CELF2: variants seen among roughly 807,000 people sequenced by gnomAD.
CELF2 encodes the protein CUG triplet repeat RNA-binding protein 2.
CELF2 carries 8 observed loss-of-function variants against 62.6 expected under a neutral mutation model. The observed-to-expected ratio is 0.13, with a 90% CI of 0.07 to 0.23. The LOEUF (loss-of-function observed/expected upper bound fraction) is 0.23, where lower values mean the gene tolerates loss of function less well. Ranked by LOEUF, CELF2 falls within the 10% of genes least tolerant of loss-of-function variation. The probability of loss-of-function intolerance (pLI) is 1.00; values close to 1 mark genes in which losing one functional copy is unlikely to be tolerated. For synonymous variants in CELF2, 258 were observed against 250.0 expected (o/e 1.03, Z -0.30); for missense variants, 333 against 671.0 (o/e 0.50, Z 5.56).
the CELF2 span, among the ~76,000 whole-genome samples, chr10:10,518,726 T>TA: frequency 0.12 from 18,331 of 150,924 alleles, 2,481 homozygotes; most frequent in African/African-American, 0.34. Context: ...GATTTTTTTT[T>TA]AAAAAAAAAT....
chr10:10,660,148 T>A, the CELF2 span, among the ~76,000 whole-genome samples: 1 of 152,194 alleles, frequency 6.6e-6, no homozygotes, highest in African/African-American at 2.4e-5. Flanking sequence ...ATCAGGAACC[T>A]TTTCTTGCTG....
chr10:10,840,380 A>G (rs2058600092), intron 1 of CELF2, among the ~76,000 whole-genome samples: 1 of 152,220 alleles, frequency 6.6e-6, no homozygotes, highest in South Asian at 2.1e-4. Flanking sequence ...TGGCATTGCC[A>G]ATTTTTTAAT....
rs1430323244 is a variant in CELF2, at chr10:10,934,401, A to G, written c.89+14402A>G. 6.6e-6 allele frequency: 1 copy of G among 152,256 alleles called. No individual in the cohort carries two copies. Among genetic ancestry groups the G allele is most frequent in the Non-Finnish European group, 1.5e-5 (1 of 68,054 alleles). The allele number at this position is 152,256 out of a possible 1,614,324, so 9.4% of individuals were successfully genotyped here. On this transcript the variant is annotated intron_variant, in intron 2 of 13. Coordinates refer to the CELF2 transcript ENST00000636488. This position sits in a 1 kb window ranked among gnomAD's most constrained non-coding sequence, Gnocchi z 4.4. ...CACAACAGATGCTCAAATATGCATC[A>G]AATGAACTCATGAGTAAATGGGAGC...
the CELF2 span, among the ~76,000 whole-genome samples, chr10:10,732,115 G>A: frequency 6.6e-6 from 1 of 152,174 alleles, no homozygotes; most frequent in Admixed American, 6.5e-5. Flanking sequence ...CAGCCAGTCA[G>A]CACCAAAGAA....
chr10:10,646,374 T>A, the CELF2 span, among the ~76,000 whole-genome samples: 18 of 152,220 alleles, frequency 1.2e-4, no homozygotes, highest in Non-Finnish European at 2.5e-4. Context: ...CCACGGCTAA[T>A]TGATGCTCAT....
chr10:10,583,411 C>G, the CELF2 span, among the ~76,000 whole-genome samples: 1 of 152,134 alleles, frequency 6.6e-6, no homozygotes, highest in African/African-American at 2.4e-5. Context: ...TTCAGGCTTA[C>G]CTGTGCTGTT....
At chr10:11,167,786 A>ACTGAG (rs1247054604) in intron 2 of CELF2, among the ~76,000 whole-genome samples, 3 of 152,174 alleles carry the variant, frequency 2.0e-5, no homozygotes, top group Admixed American at 6.5e-5. Flanking sequence ...TGTATCTCAG[A>ACTGAG]CCCTGTGTCA....
At chr10:11,196,525 G>C (rs530364394) in intron 2 of CELF2, among the ~76,000 whole-genome samples, 2 of 152,146 alleles carry the variant, frequency 1.3e-5, no homozygotes, top group African/African-American at 4.8e-5. Context: ...AAATTAGCCA[G>C]GCATGATTGT....
the CELF2 span, among the ~76,000 whole-genome samples, chr10:10,671,228 G>T: frequency 2.0e-5 from 3 of 149,406 alleles, no homozygotes; most frequent in Non-Finnish European, 4.4e-5. Flanking sequence ...AAAGAATTAG[G>T]CACCTAAATT....
chr10:11,127,380 A>G (rs1406983820), intron 1 of CELF2, among the ~76,000 whole-genome samples: 1 of 152,242 alleles, frequency 6.6e-6, no homozygotes, highest in South Asian at 2.1e-4. Context: ...TCATACTAGC[A>G]TGATTTATAA....
At chr10:10,694,345 G>T in the CELF2 span, among the ~76,000 whole-genome samples, 1 of 150,876 alleles carries the variant, frequency 6.6e-6, no homozygotes, top group African/African-American at 2.4e-5. Flanking sequence ...TTAATCCTGA[G>T]TTCTAGTTTG....
the CELF2 span, among the ~76,000 whole-genome samples, chr10:10,590,310 G>A: frequency 5.3e-5 from 8 of 152,184 alleles, no homozygotes; most frequent in Admixed American, 5.2e-4. Flanking sequence ...ATAATCCCCA[G>A]CCCTCTATTT....
At position 11,318,828 on chromosome 10, in the gene CELF2, T is replaced by A; in HGVS notation, c.1097-2361T>A. 2 of 471,228 alleles carry A rather than the reference T, an allele frequency of 4.2e-6. 1 individual carries two copies. The highest frequency in any genetic ancestry group is 3.1e-5 in the South Asian group (2 of 64,566). 29.2% of individuals were successfully genotyped at this position (471,228 alleles called of 1,614,324 possible). ...ACTGCCATAAAATGCCACCTGTGTATCTGGCACTCTGGAGAAGCCGAGTCG... is the reference window on the plus strand; with the variant it reads ...ACTGCCATAAAATGCCACCTGTGTAACTGGCACTCTGGAGAAGCCGAGTCG... On this transcript the variant is annotated intron_variant, in intron 10 of 12. Transcript: ENST00000633077. The surrounding 1 kb of genome is among the most constrained non-coding windows in gnomAD (Gnocchi z 5.4).
intron 1 of CELF2, among the ~76,000 whole-genome samples, chr10:11,034,660 A>C (rs2060671081): frequency 6.6e-6 from 1 of 152,156 alleles, no homozygotes; most frequent in African/African-American, 2.4e-5. Flanking sequence ...GCGATGTGGC[A>C]GTTCTTTCCC....
At chr10:10,573,433 G>A in the CELF2 span, among the ~76,000 whole-genome samples, 4 of 152,132 alleles carry the variant, frequency 2.6e-5, no homozygotes, top group South Asian at 8.3e-4. Context: ...TTATAGAAGA[G>A]TTTTTATACC....
chr10:10,510,427 A>T, the CELF2 span, among the ~76,000 whole-genome samples: 1 of 152,104 alleles, frequency 6.6e-6, no homozygotes, highest in Non-Finnish European at 1.5e-5. Flanking sequence ...ACAGCGGGGG[A>T]ATGAGAGGAG....
intron 1 of CELF2, among the ~76,000 whole-genome samples, chr10:11,036,271 G>A (rs1337818726): frequency 6.6e-6 from 1 of 152,152 alleles, no homozygotes; most frequent in African/African-American, 2.4e-5. Context: ...TCAAATCTGT[G>A]TTTCCTTTTG....
chr10:10,690,106 A>AT, the CELF2 span, among the ~76,000 whole-genome samples: 1 of 152,100 alleles, frequency 6.6e-6, no homozygotes, highest in South Asian at 2.1e-4. Context: ...TCTTTGTATC[A>AT]TTTTTCTGAA....
At chr10:10,754,158 T>C in the CELF2 span, among the ~76,000 whole-genome samples, 810 of 151,116 alleles carry the variant, frequency 5.4e-3, 8 homozygotes, top group African/African-American at 0.018. Context: ...TTCTTTTTTT[T>C]TTTTGAGACA....
Sources: allele counts gnomAD v4.1 joint callset (sites outside exome capture counted in the v4.1 genomes callset), GRCh38; gene constraint gnomAD v4.1.1; non-coding constraint Gnocchi (gnomAD v3.1); transcripts MANE v1.5; gene names NCBI Gene and HGNC (gene_info 2026-07-23, HGNC 2026-07-21).